The following CFAP44 variants were observed in gnomAD, a reference collection of about 807,000 sequenced individuals.
CFAP44 encodes the protein cilia and flagella associated protein 44.
A neutral mutation model predicts 216.2 loss-of-function variants in CFAP44; 134 were observed. The ratio of observed to expected loss-of-function variants is 0.62; its 90% CI spans 0.54 to 0.72. The LOEUF is 0.72. Among genes scored for constraint, CFAP44 ranks in the 30% least tolerant of loss-of-function variants. The probability of loss-of-function intolerance (pLI) is 0.00; values close to 1 mark genes in which losing one functional copy is unlikely to be tolerated. For synonymous variants in CFAP44, 700 were observed against 727.6 expected (o/e 0.96, Z 0.61); for missense variants, 2,035 against 2,182.1 (o/e 0.93, Z 1.34).
intron 30 of CFAP44, among the ~76,000 whole-genome samples, chr3:113,305,491 T>C (rs1277234952): frequency 6.6e-6 from 1 of 152,216 alleles, no homozygotes; most frequent in Non-Finnish European, 1.5e-5. Context: ...TGGGAGTCTT[T>C]TTTGGTCATG....
At position 113,397,140 on chromosome 3, in the gene CFAP44, A is replaced by T. The variant is rs1460573973; in HGVS notation, c.1570-413T>A. On this transcript the variant is annotated intron_variant, in intron 13 of 34. Coordinates refer to ENST00000393845, the MANE Select transcript of CFAP44 (RefSeq NM_001164496.2). The stretch of plus-strand genomic sequence containing the variant: ...AAAGAAATGTATTCTCTGAGAGCAT[A>T]TAACAAAGAAGGCTGACCTCGACTT... 9 of 170,336 alleles carry T rather than the reference A, an allele frequency of 5.3e-5. No individual in the cohort carries two copies. In the South Asian group the frequency reaches 1.2e-3, roughly 22 times the overall value. 10.6% of individuals were successfully genotyped at this position (170,336 alleles called of 1,614,324 possible). A position where few individuals can be genotyped will look rare whatever the true frequency, so the allele number is the denominator to read the frequency against.
intron 22 of CFAP44, among the ~76,000 whole-genome samples, chr3:113,357,737 G>T (rs1950504126): frequency 2.0e-5 from 3 of 152,310 alleles, no homozygotes; most frequent in Admixed American, 2.0e-4. Context: ...GATGGTAAGT[G>T]TGTAAACTGA....
At chr3:113,377,814 G>A (rs921631566) in intron 17 of CFAP44, among the ~76,000 whole-genome samples, 11 of 152,062 alleles carry the variant, frequency 7.2e-5, no homozygotes, top group South Asian at 2.1e-4. Context: ...TACCATGCCC[G>A]GCTAATGTTT....
chr3:113,298,386 T>TC (rs1949902188), intron 32 of CFAP44, among the ~76,000 whole-genome samples: 1 of 152,130 alleles, frequency 6.6e-6, no homozygotes, highest in Non-Finnish European at 1.5e-5. Context: ...CTCCTCTTCT[T>TC]CCCCATTGGA....
intron 1 of CFAP44, among the ~76,000 whole-genome samples, chr3:113,440,402 T>C (rs942429853): frequency 2.6e-5 from 4 of 152,200 alleles, no homozygotes; most frequent in Non-Finnish European, 5.9e-5. Flanking sequence ...TATCCATTAT[T>C]ATTACTGTCA....
intron 5 of CFAP44, among the ~76,000 whole-genome samples, chr3:113,418,716 T>G (rs990451526): frequency 6.6e-6 from 1 of 152,018 alleles, no homozygotes; most frequent in Non-Finnish European, 1.5e-5. Context: ...TTTTTGGGTT[T>G]TTTTTTTGAG....
chr3:113,304,184 A>G (rs928431424), intron 31 of CFAP44, 67 bp from the exon 32 acceptor site: 14 of 1,476,238 alleles, frequency 9.5e-6, no homozygotes, highest in African/African-American at 4.2e-5. Context: ...AACAGAAAGC[A>G]TAAGAGGTGC....
rs76055731 is a variant in CFAP44, at chr3:113,361,958, G to C, written c.2934+1187C>G. On this transcript the variant is annotated intron_variant, in intron 21 of 34. Coordinates refer to ENST00000393845, the MANE Select transcript of CFAP44 (RefSeq NM_001164496.2). ...CATGAAACCAGCACAAGTGTTATAA[G>C]ATTAAATGCCTACATTTCTTGTTCT... Among the ~76,000 whole-genome samples the C allele has an allele frequency of 4.1e-3, 620 of 151,898 alleles. 2 individuals are homozygous for C. Among genetic ancestry groups the C allele is most frequent in the Non-Finnish European group, 7.6e-3 (517 of 67,968 alleles).
chr3:113,369,753 AC>A (rs1933086031), intron 18 of CFAP44, among the ~76,000 whole-genome samples: 1 of 150,904 alleles, frequency 6.6e-6, no homozygotes, highest in Admixed American at 6.6e-5. Context: ...GGAGATAGAG[AC>A]AAAAAAACCC....
chr3:113,324,604 T>C (rs897786233), intron 28 of CFAP44, among the ~76,000 whole-genome samples: 2 of 152,132 alleles, frequency 1.3e-5, no homozygotes, highest in African/African-American at 4.8e-5. Flanking sequence ...AGAGGTGAAC[T>C]TCCTTAACTT....
At chr3:113,351,601 T>C (rs1950445307) in intron 22 of CFAP44, among the ~76,000 whole-genome samples, 2 of 152,170 alleles carry the variant, frequency 1.3e-5, no homozygotes, top group Non-Finnish European at 2.9e-5. Flanking sequence ...TGAACCTTCT[T>C]AGGGGAAGAG....
intron 4 of CFAP44, among the ~76,000 whole-genome samples, chr3:113,424,880 G>T (rs1171179572): frequency 4.6e-5 from 7 of 152,212 alleles, no homozygotes; most frequent in Admixed American, 3.3e-4. Context: ...TCCTGGAGCA[G>T]TGAGAAGGCA....
Position 113,396,741 on chromosome 3 carries a change from A to G in CFAP44, c.1570-14T>C, listed in dbSNP as rs1382596246. 2 of 1,611,366 alleles carry G rather than the reference A, an allele frequency of 1.2e-6. No individual in the cohort carries two copies. Among genetic ancestry groups the G allele is most frequent in the Non-Finnish European group, 1.7e-6 (2 of 1,178,134 alleles). On this transcript the variant is annotated splice_polypyrimidine_tract_variant and intron_variant, in intron 13 of 34. Coordinates refer to ENST00000393845, the MANE Select transcript of CFAP44 (RefSeq NM_001164496.2). ...AGTGAAGTTTACCTTGGAGAAAATTAAAGATAAGGGACCTGAAACTAGTTA... is the reference window on the plus strand; with the variant it reads ...AGTGAAGTTTACCTTGGAGAAAATTGAAGATAAGGGACCTGAAACTAGTTA...
At chr3:113,348,885 T>C (rs1419722808) in intron 22 of CFAP44, among the ~76,000 whole-genome samples, 2 of 152,246 alleles carry the variant, frequency 1.3e-5, no homozygotes, top group Non-Finnish European at 2.9e-5. Context: ...TGTCATGCTA[T>C]TGTTAGATCA....
At position 113,291,071 on chromosome 3, in the gene CFAP44, A is replaced by G. The variant is rs1349984887; in HGVS notation, c.*486T>C. The G allele has an allele frequency of 6.5e-6, 1 of 154,828 alleles. No homozygotes were observed. Among genetic ancestry groups the G allele is most frequent in the Non-Finnish European group, 1.4e-5 (1 of 69,582 alleles). The allele number at this position is 154,828 out of a possible 1,614,324, so 9.6% of individuals were successfully genotyped here. The stretch of plus-strand genomic sequence containing the variant: ...TGCCAAAACTGAAATTTGCATTTCT[A>G]TTCTAAGATATAGCTGACAAAATGT... On this transcript the variant is annotated 3_prime_UTR_variant, in exon 35 of 35. Coordinates refer to ENST00000393845, the MANE Select transcript of CFAP44 (RefSeq NM_001164496.2).
intron 34 of CFAP44, chr3:113,294,334 C>A (rs1949859502): frequency 9.7e-6 from 3 of 310,280 alleles, no homozygotes; most frequent in South Asian, 3.1e-5. Context: ...CACTTCAAGT[C>A]AAATGAAATT....
chr3:113,358,676 C>A, intron 22 of CFAP44, 69 bp downstream of exon 22: 1 of 1,502,544 alleles, frequency 6.7e-7, no homozygotes, highest in Non-Finnish European at 8.9e-7. Context: ...TTCACTGACA[C>A]TACTATAAAC....
chr3:113,356,371 A>G (rs978466923), intron 22 of CFAP44, among the ~76,000 whole-genome samples: 21 of 152,242 alleles, frequency 1.4e-4, no homozygotes, highest in Admixed American at 2.6e-4. Flanking sequence ...TTTTTGTAAA[A>G]ATTGACAAGT....
intron 7 of CFAP44, among the ~76,000 whole-genome samples, chr3:113,408,391 T>C (rs537485391): frequency 1.1e-4 from 16 of 152,284 alleles, no homozygotes; most frequent in African/African-American, 3.8e-4. Context: ...TTGTCAGGAA[T>C]GATAGTGTGA....
Sources: gnomAD v4.1 joint callset for allele counts (sites outside exome capture counted in the v4.1 genomes callset) on GRCh38, gnomAD v4.1.1 for gene constraint, MANE v1.5 for transcripts, NCBI Gene and HGNC (gene_info 2026-07-23, HGNC 2026-07-21) for gene names.